ADGRB3: variants seen among roughly 807,000 people sequenced by gnomAD.
ADGRB3 encodes brain-specific angiogenesis inhibitor 3.
A neutral mutation model predicts 193.4 loss-of-function variants in ADGRB3; 37 were observed. The ratio of observed to expected loss-of-function variants is 0.19; its 90% confidence interval spans 0.15 to 0.25. ADGRB3 has a LOEUF of 0.25. Ranked by LOEUF, ADGRB3 falls within the 10% of genes least tolerant of loss-of-function variation. The pLI, the probability that ADGRB3 is intolerant of heterozygous loss-of-function variation, is 1.00. For synonymous variants in ADGRB3, 690 were observed against 644.2 expected (o/e 1.07, Z -1.08); for missense variants, 1,637 against 1,852.9 (o/e 0.88, Z 2.14).
intron 3 of ADGRB3, among the ~76,000 whole-genome samples, chr6:68,882,881 C>T (rs1457271056): frequency 6.7e-6 from 1 of 149,694 alleles, no homozygotes; most frequent in Non-Finnish European, 1.5e-5. Flanking sequence ...ACTTCTATTA[C>T]TAGTTTTTTT....
At chr6:68,869,814 G>A (rs1475119144) in intron 3 of ADGRB3, among the ~76,000 whole-genome samples, 1 of 151,984 alleles carries the variant, frequency 6.6e-6, no homozygotes, top group African/African-American at 2.4e-5. Flanking sequence ...TCGCTCACTC[G>A]GTCACCCAGG....
At chr6:69,337,954 G>A (rs746687305) in intron 24 of ADGRB3, among the ~76,000 whole-genome samples, 3 of 152,158 alleles carry the variant, frequency 2.0e-5, no homozygotes, top group Non-Finnish European at 4.4e-5. Context: ...AATGGACTAT[G>A]CACACCTCAG....
At chr6:68,875,324 G>A (rs930042806) in intron 3 of ADGRB3, among the ~76,000 whole-genome samples, 1 of 143,308 alleles carries the variant, frequency 7.0e-6, no homozygotes. Flanking sequence ...AGAATGTTGG[G>A]TCTTAACTTC....
chr6:68,848,396 AAG>A (rs1768327968), intron 3 of ADGRB3, among the ~76,000 whole-genome samples: 1 of 152,064 alleles, frequency 6.6e-6, no homozygotes, highest in South Asian at 2.1e-4. Context: ...AATGCTAACT[AAG>A]AAACTAAGAA....
chr6:68,755,932 A>C (rs1301032017), intron 3 of ADGRB3, among the ~76,000 whole-genome samples: 1 of 152,050 alleles, frequency 6.6e-6, no homozygotes, highest in Non-Finnish European at 1.5e-5. Flanking sequence ...CTTTAAACAA[A>C]ATACTTTTTT....
chr6:69,074,855 A>G (rs1018667065), intron 16 of ADGRB3, among the ~76,000 whole-genome samples: 1 of 152,112 alleles, frequency 6.6e-6, no homozygotes, highest in Non-Finnish European at 1.5e-5. Context: ...TCAGGACTGT[A>G]TCTTTTAACT....
At chr6:68,831,280 G>A (rs1488246967) in intron 3 of ADGRB3, among the ~76,000 whole-genome samples, 1 of 142,910 alleles carries the variant, frequency 7.0e-6, no homozygotes, top group Non-Finnish European at 1.5e-5. Context: ...CGGGAAAATG[G>A]TGAATGCAAA....
chr6:68,908,562 C>T (rs1766613005), intron 3 of ADGRB3, among the ~76,000 whole-genome samples: 1 of 152,066 alleles, frequency 6.6e-6, no homozygotes, highest in Non-Finnish European at 1.5e-5. Context: ...CACCCAATCA[C>T]AGTCAAAAGT....
chr6:68,785,825 C>T (rs920819064), intron 3 of ADGRB3, among the ~76,000 whole-genome samples: 3 of 152,098 alleles, frequency 2.0e-5, no homozygotes, highest in Non-Finnish European at 4.4e-5. Context: ...CCTGTTGTTT[C>T]CTGACTTTTT....
At chr6:69,176,631 C>T (rs750274469) in intron 17 of ADGRB3, among the ~76,000 whole-genome samples, 2 of 152,046 alleles carry the variant, frequency 1.3e-5, no homozygotes, top group African/African-American at 2.4e-5. Flanking sequence ...CAGGGTGATG[C>T]TGGCTTTGTA....
chr6:69,076,237 G>T (rs1342468696), intron 17 of ADGRB3, among the ~76,000 whole-genome samples, 199 bp downstream of exon 17: 6 of 152,092 alleles, frequency 3.9e-5, no homozygotes, highest in African/African-American at 2.4e-5. Context: ...TACATCTCAA[G>T]ATAGTATTGC....
At chr6:69,377,748 AT>A (rs1213588287) in intron 30 of ADGRB3, among the ~76,000 whole-genome samples, 3 of 152,138 alleles carry the variant, frequency 2.0e-5, no homozygotes, top group Non-Finnish European at 4.4e-5. Flanking sequence ...TCTCTGATAT[AT>A]AATTCAGACT....
intron 3 of ADGRB3, among the ~76,000 whole-genome samples, chr6:68,653,589 A>T (rs967376097): frequency 4.6e-5 from 7 of 152,118 alleles, no homozygotes; most frequent in African/African-American, 1.7e-4. Context: ...TAGCCTACTT[A>T]AAATTAATAA....
intron 20 of ADGRB3, among the ~76,000 whole-genome samples, chr6:69,293,725 C>T: frequency 6.6e-6 from 1 of 152,042 alleles, no homozygotes; most frequent in East Asian, 1.9e-4. Context: ...GGGTTCTGTG[C>T]TGATAAAGTG....
chr6:68,994,082 A>C (rs535717235), intron 11 of ADGRB3, 120 bp downstream of exon 11: 1 of 940,126 alleles, frequency 1.1e-6, no homozygotes, highest in African/African-American at 1.6e-5. Context: ...CATCCAAGTT[A>C]TGCTTAGTGT....
chr6:69,372,666 G>A (rs753050138), intron 30 of ADGRB3, among the ~76,000 whole-genome samples: 3 of 151,982 alleles, frequency 2.0e-5, no homozygotes, highest in Non-Finnish European at 2.9e-5. Flanking sequence ...GACAAGTGAG[G>A]AATTTGTTTT....
chr6:68,954,889 G>A (rs1025733790), intron 6 of ADGRB3, among the ~76,000 whole-genome samples: 13 of 151,974 alleles, frequency 8.6e-5, no homozygotes, highest in Non-Finnish European at 1.9e-4. Flanking sequence ...CACCGTGTTA[G>A]CCAGAATGGT....
At chr6:69,242,297 C>G (rs1207064121) in intron 20 of ADGRB3, among the ~76,000 whole-genome samples, 1 of 151,544 alleles carries the variant, frequency 6.6e-6, no homozygotes, top group Admixed American at 6.6e-5. Context: ...GTATAGGATC[C>G]CTTTGCTTCT....
At chr6:68,821,889 A>T (rs1470635131) in intron 3 of ADGRB3, among the ~76,000 whole-genome samples, 3 of 152,010 alleles carry the variant, frequency 2.0e-5, no homozygotes, top group African/African-American at 7.2e-5. Flanking sequence ...TATACATAGT[A>T]TGCGTTTGAC....
Sources: gnomAD v4.1 joint callset for allele counts (sites outside exome capture counted in the v4.1 genomes callset) on GRCh38, gnomAD v4.1.1 for gene constraint, MANE v1.5 for transcripts, NCBI Gene and HGNC (gene_info 2026-07-23, HGNC 2026-07-21) for gene names.